Variants in TLN2 observed in about 807,000 individuals in gnomAD.
TLN2 encodes talin-2.
In TLN2, 118 loss-of-function variants were observed where a neutral mutation model predicts 294.7. The observed-to-expected ratio is 0.40, with a 90% CI of 0.34 to 0.47. TLN2 has a LOEUF of 0.47. Among genes scored for constraint, TLN2 ranks in the 20% least tolerant of loss-of-function variants. The pLI is 0.84. For synonymous variants in TLN2, 1,431 were observed against 1,304.5 expected (o/e 1.10, Z -2.09); for missense variants, 3,083 against 3,282.2 (o/e 0.94, Z 1.48).
chr15:62,455,194 C>CA (rs34297204), intron 1 of TLN2, among the ~76,000 whole-genome samples: 59,804 of 151,842 alleles, frequency 0.39, 12,081 homozygotes, highest in East Asian at 0.72. Flanking sequence ...GATACAGAGG[C>CA]AGTGAGTCCC....
chr15:62,500,332 C>T (rs2039242184), intron 1 of TLN2, among the ~76,000 whole-genome samples: 1 of 152,180 alleles, frequency 6.6e-6, no homozygotes, highest in East Asian at 1.9e-4. Flanking sequence ...GAATGAGACT[C>T]CATCTCAAAA....
At chr15:62,617,350 A>G (rs1263418051) in intron 2 of TLN2, among the ~76,000 whole-genome samples, 1 of 152,104 alleles carries the variant, frequency 6.6e-6, no homozygotes, top group East Asian at 1.9e-4. Flanking sequence ...TCCTGGAACC[A>G]TTCCTTGGAT....
At chr15:62,772,308 A>C (rs6494357) in intron 42 of TLN2, among the ~76,000 whole-genome samples, 149,601 of 152,252 alleles carry the variant, frequency 0.98, 73,549 homozygotes, top group Middle Eastern at 1. Context: ...CTTGGCAGTT[A>C]TTAAGAGCCT....
intron 2 of TLN2, among the ~76,000 whole-genome samples, chr15:62,597,281 TC>T (rs1270490133): frequency 6.6e-6 from 1 of 152,232 alleles, no homozygotes; most frequent in Non-Finnish European, 1.5e-5. Context: ...TGATTTTATC[TC>T]TAGATTCTGA....
intron 2 of TLN2, among the ~76,000 whole-genome samples, chr15:62,592,999 T>C (rs928769471): frequency 6.6e-6 from 1 of 152,252 alleles, no homozygotes; most frequent in Non-Finnish European, 1.5e-5. Context: ...TATTTTAAAA[T>C]CTATTTTCAA....
intron 27 of TLN2, among the ~76,000 whole-genome samples, chr15:62,726,445 C>A (rs2060445808): frequency 6.6e-6 from 1 of 152,174 alleles, no homozygotes; most frequent in African/African-American, 2.4e-5. Flanking sequence ...CCTTTACTGA[C>A]TTCGTTCCCT....
intron 4 of TLN2, among the ~76,000 whole-genome samples, chr15:62,649,538 C>A (rs574093025): frequency 6.6e-6 from 1 of 152,108 alleles, no homozygotes; most frequent in Non-Finnish European, 1.5e-5. Flanking sequence ...TAATTTTGCA[C>A]CTTTTACATG....
chr15:62,665,725 C>T (rs1030826358), intron 9 of TLN2, among the ~76,000 whole-genome samples: 1 of 152,084 alleles, frequency 6.6e-6, no homozygotes, highest in African/African-American at 2.4e-5. Context: ...CTACTGTCAA[C>T]AAGCAAAGCT....
chr15:62,390,771 T>C (rs2032003754), intron 1 of TLN2, 86 bp downstream of exon 1: 1 of 151,916 alleles, frequency 6.6e-6, no homozygotes, highest in South Asian at 2.1e-4. Flanking sequence ...CCCTCCCCTC[T>C]CCAGAAGGAA....
chr15:62,782,922 G>T (rs889661447), intron 44 of TLN2, among the ~76,000 whole-genome samples: 2 of 152,188 alleles, frequency 1.3e-5, no homozygotes, highest in Non-Finnish European at 2.9e-5. Context: ...CCTTGATGAG[G>T]GACAGTGACA....
chr15:62,474,544 A>G (rs1375549225), intron 1 of TLN2, among the ~76,000 whole-genome samples: 1 of 152,190 alleles, frequency 6.6e-6, no homozygotes. Context: ...CGGGAGGCTG[A>G]GATGGGAGGA....
intron 3 of TLN2, among the ~76,000 whole-genome samples, chr15:62,646,829 T>G (rs574970277): frequency 7.9e-5 from 12 of 152,276 alleles, no homozygotes; most frequent in Middle Eastern, 3.4e-3. Context: ...CTTCCCTGAT[T>G]CTTCTCTGTC....
intron 9 of TLN2, among the ~76,000 whole-genome samples, chr15:62,667,179 G>A (rs187617016): frequency 2.0e-4 from 31 of 152,168 alleles, no homozygotes; most frequent in South Asian, 8.3e-4. Flanking sequence ...TGTTAGCCAG[G>A]ATGGTCTCGA....
At position 62,840,681 on chromosome 15, in the gene TLN2, G is replaced by T. The variant is rs150702642; in HGVS notation, c.*71G>T. On this transcript the variant is annotated 3_prime_UTR_variant, in exon 59 of 59. Transcript: ENST00000636159. ...ACTGGACAGACAGTGTTCCTGAGAG[G>T]CTGGGCACTTAGCTGGAAACCGCCC... 1,609 of 1,548,890 alleles carry T rather than the reference G, an allele frequency of 1.0e-3. 4 individuals carry two copies. The highest frequency in any genetic ancestry group is 8.3e-4 in the Non-Finnish European group (957 of 1,149,266).
At chr15:62,409,936 C>A (rs1301465743) in intron 1 of TLN2, among the ~76,000 whole-genome samples, 14 of 152,158 alleles carry the variant, frequency 9.2e-5, no homozygotes, top group Non-Finnish European at 2.9e-5. Flanking sequence ...AAATGAGGAA[C>A]CTTTATTTTT....
intron 24 of TLN2, 82 bp from the exon 25 acceptor site, chr15:62,719,685 A>C (rs1005692694): frequency 1.7e-6 from 2 of 1,171,016 alleles, no homozygotes; most frequent in Non-Finnish European, 2.3e-6. Context: ...ACATCCAAAA[A>C]GCGCACTTGG....
At chr15:62,768,813 A>G (rs1324827462) in intron 41 of TLN2, among the ~76,000 whole-genome samples, 2 of 152,240 alleles carry the variant, frequency 1.3e-5, no homozygotes, top group Non-Finnish European at 2.9e-5. Flanking sequence ...TTTACTGAGT[A>G]CTTCCTATTT....
intron 1 of TLN2, among the ~76,000 whole-genome samples, chr15:62,489,214 G>C (rs1399933592): frequency 1.3e-5 from 2 of 152,130 alleles, no homozygotes; most frequent in Non-Finnish European, 2.9e-5. Flanking sequence ...TGAATGACAT[G>C]AAGGTATACA....
chr15:62,423,447 C>T (rs1234148090), intron 1 of TLN2, among the ~76,000 whole-genome samples: 1 of 152,170 alleles, frequency 6.6e-6, no homozygotes, highest in East Asian at 1.9e-4. Flanking sequence ...TCCATGTTAC[C>T]AGCACCTATC....
Sources: allele counts gnomAD v4.1 joint callset (sites outside exome capture counted in the v4.1 genomes callset), GRCh38; gene constraint gnomAD v4.1.1; transcripts MANE v1.5; gene names NCBI Gene and HGNC (gene_info 2026-07-23, HGNC 2026-07-21).